TTN: variants seen among roughly 807,000 people sequenced by gnomAD.
TTN encodes the protein titin, also known as connectin.
TTN carries 1,525 observed loss-of-function variants against 3,223.0 expected under a neutral mutation model. That is an observed-to-expected ratio of 0.47 (90% CI 0.45 to 0.49). The LOEUF is 0.49. Among genes scored for constraint, TTN ranks in the 20% least tolerant of loss-of-function variants. The probability of loss-of-function intolerance (pLI) is 0.00; values close to 1 mark genes in which losing one functional copy is unlikely to be tolerated. For missense variants in TTN, 40,786 were observed against 43,424.0 expected (o/e 0.94, Z 5.40); for synonymous variants, 14,094 against 15,161.0 (o/e 0.93, Z 5.17).
intron 270 of TTN, among the ~76,000 whole-genome samples, 191 bp from the exon 271 acceptor site, chr2:178,610,580 T>A (rs1323227787): frequency 6.6e-6 from 1 of 151,912 alleles, no homozygotes; most frequent in Non-Finnish European, 1.5e-5. Context: ...CTACCTCAAG[T>A]CTGTGTGCCA....
rs3731752 is a variant in TTN at position 178,533,782 on chromosome 2, C to A, written c.102833G>T (p.Gly34278Val). 0.029 allele frequency: 47,259 copies of A among 1,613,856 alleles called. 1,443 individuals are homozygous for A. Among genetic ancestry groups the A allele is most frequent in the East Asian group, 0.18 (7,944 of 44,858 alleles). The stretch of plus-strand genomic sequence containing the variant: ...CTCTGGGTGGACAGTTATAGTTACT[C>A]CAAACCGGACATTTTCACCTACATA... ...TAYVGENVRF[G>V]VTITVHPEPH... The change falls in exon 358 of 363, where the codon GGA (glycine) becomes GTA (valine). Residue 34278 changes from glycine to valine, a missense_variant. Physicochemically the swap from Gly to Val is moderately radical, Grantham distance 109. Transcript: ENST00000589042.
rs757500242 is a variant in TTN at position 178,528,643 on chromosome 2, G to C, written c.107108C>G (p.Ala35703Gly). 1.9e-6 allele frequency: 3 copies of C among 1,612,920 alleles called. No individual in the cohort carries two copies. The highest frequency in any genetic ancestry group is 1.7e-5 in the Admixed American group (1 of 59,834). The change falls in exon 360 of 363, where the codon GCC becomes GGC. Residue 35703 changes from alanine (A) to glycine (G), a missense_variant. Ala to Gly is a moderately conservative substitution (Grantham distance 60). Transcript: ENST00000589042. ...TTGAGATCTAGGCTGTGAGATGAAG[G>C]CTGGAGCATCTGAGAGTTCTTTGCT... The part of the protein sequence containing the change: ...TLSKELSDAP[A>G]FISQPRSQNI...
chr2:178,560,674 G>A lies in TTN; in HGVS notation c.85458C>T (p.Tyr28486=), dbSNP rs978230375. 9 of 1,613,482 alleles carry A rather than the reference G, an allele frequency of 5.6e-6. No homozygotes were observed. Among genetic ancestry groups the A allele is most frequent in the Admixed American group, 1.7e-5 (1 of 59,960 alleles). ...GGCTTGTTTCACGTTTTTCTACGATGTAATAGTCGATATCTGCACCACCAT... is the reference window on the plus strand; with the variant it reads ...GGCTTGTTTCACGTTTTTCTACGATATAATAGTCGATATCTGCACCACCAT... ...QEDGGADIDY[Y]IVEKRETSHL... Residue 28486 remains tyrosine (Y), a synonymous_variant, in exon 326 of 363, where the codon TAC becomes TAT. Coordinates refer to ENST00000589042, the MANE Select transcript of TTN (RefSeq NM_001267550.2).
chr2:178,601,277 T>C lies in TTN; in HGVS notation c.55720A>G (p.Arg18574Gly), dbSNP rs2053379995. 4.5e-6 allele frequency: 7 copies of C among 1,553,308 alleles called. No individual in the cohort carries two copies. The East Asian group carries it at 1.6e-4, about 35-fold the overall frequency. ...PVETIQRTTARDPIYPPDPPI... is the reference protein window; with the variant it reads ...PVETIQRTTAGDPIYPPDPPI... ...TTTTAAAGCTTACATATCGGATCTC[T>C]GGCAGTGGTCCTCTGAATGGTTTCC... The change falls in exon 287 of 363, where the codon AGA (arginine) becomes GGA (glycine). Residue 18574 changes from arginine (R) to glycine (G), a missense_variant. By Grantham distance (125) the Arg-to-Gly change is moderately radical. Transcript: ENST00000589042.
chr2:178,605,155 C>T lies in TTN; in HGVS notation c.54022G>A (p.Glu18008Lys), dbSNP rs2054482853. 2 of 1,612,508 alleles carry T rather than the reference C, an allele frequency of 1.2e-6. No homozygotes were observed. ...ATCTGAAGTGCATCAGTGGGTTTTT[C>T]AATTACAGTTTCATTTTTGGACCAT... ...IEWSKNETVI[E>K]KPTDALQITK... The change falls in exon 280 of 363, where the codon GAA becomes AAA. Residue 18008 changes from glutamate to lysine, a missense_variant. Glu to Lys is a moderately conservative substitution (Grantham distance 56). Coordinates refer to ENST00000589042, the MANE Select transcript of TTN (RefSeq NM_001267550.2).
chr2:178,726,004 A>G lies in TTN; in HGVS notation c.20318T>C (p.Leu6773Pro), dbSNP rs1327286420. ...TTCAAGACTGACTTCAGCATTTTTA[A>G]GGGTTTCTACTATAGGAGGGAAGCT... Reference protein sequence around the residue: ...FSSFPPIVETLKNAEVSLECE... With the variant: ...FSSFPPIVETPKNAEVSLECE... Residue 6773 changes from leucine (L) to proline (P), a missense_variant, in exon 70 of 363, where the codon CTT (leucine) becomes CCT (proline). Coordinates refer to ENST00000589042, the MANE Select transcript of TTN (RefSeq NM_001267550.2). The G allele has an allele frequency of 6.3e-7, 1 of 1,594,882 alleles. No individual in the cohort carries two copies. Among genetic ancestry groups the G allele is most frequent in the East Asian group, 2.3e-5 (1 of 44,148 alleles).
In TTN at chr2:178,635,551, T is replaced by C; in HGVS notation, c.41773A>G (p.Arg13925Gly). Residue 13925 changes from arginine to glycine, a missense_variant, in exon 227 of 363, where the codon AGA (arginine) becomes GGA (glycine). Physicochemically the swap from Arg to Gly is moderately radical, Grantham distance 125. Coordinates refer to ENST00000589042, the MANE Select transcript of TTN (RefSeq NM_001267550.2). Reference protein sequence around the residue: ...AEPNDKTEILRDGNHLYLKIK... With the variant: ...AEPNDKTEILGDGNHLYLKIK... Reference sequence around the variant, plus strand: ...TTGAGGTACAGATGATTTCCATCTCTCAGTATTTCAGTCTTATCATTTGGT... The same window carrying C: ...TTGAGGTACAGATGATTTCCATCTCCCAGTATTTCAGTCTTATCATTTGGT... The C allele has an allele frequency of 6.3e-7, 1 of 1,594,722 alleles. No homozygotes were observed. The highest frequency in any genetic ancestry group is 8.6e-7 in the Non-Finnish European group (1 of 1,169,142).
rs761974222 is a variant in TTN, at chr2:178,750,291, G to A, written c.11311+2833C>T. 39 of 1,613,004 alleles carry A rather than the reference G, an allele frequency of 2.4e-5. No individual in the cohort carries two copies. Among genetic ancestry groups the A allele is most frequent in the Admixed American group, 8.4e-5 (5 of 59,846 alleles). On this transcript the variant is annotated intron_variant, in intron 47 of 362. Coordinates refer to ENST00000589042, the MANE Select transcript of TTN (RefSeq NM_001267550.2). ...TTATGTGCTTTGACATCATGTTTTT[G>A]TTTTGCTTTCACTTTAAGCATACTG...
Position 178,574,728 on chromosome 2 carries a change from T to G in TTN, c.71404A>C (p.Lys23802Gln), listed in dbSNP as rs1168152439. 2 of 1,613,092 alleles carry G rather than the reference T, an allele frequency of 1.2e-6. No homozygotes were observed. Among genetic ancestry groups the G allele is most frequent in the Non-Finnish European group, 1.7e-6 (2 of 1,179,506 alleles). The change falls in exon 326 of 363, where the codon AAA (lysine) becomes CAA (glutamine). Residue 23802 changes from lysine (K) to glutamine (Q), a missense_variant. Coordinates refer to ENST00000589042, the MANE Select transcript of TTN (RefSeq NM_001267550.2). ...CCAACTCCATATCTATTCTGAGCTT[T>G]TACACGGAACTGATACTCTAATCCA... ...TTGLEYQFRV[K>Q]AQNRYGVGPG...
chr2:178,638,676 T>A (rs943960710), intron 223 of TTN, among the ~76,000 whole-genome samples: 2 of 151,938 alleles, frequency 1.3e-5, no homozygotes, highest in African/African-American at 4.8e-5. Flanking sequence ...ATTCTTCACA[T>A]CTTAGAAAAT....
At chr2:178,579,901 A>G (rs2047311486) in intron 318 of TTN, 38 bp downstream of exon 318, 2 of 1,612,334 alleles carry the variant, frequency 1.2e-6, no homozygotes, top group South Asian at 1.1e-5. Context: ...AAGGAAGGAT[A>G]TAACTCAAAA....
intron 354 of TTN, 23 bp from the exon 355 acceptor site, chr2:178,537,940 T>A (rs1692355142): frequency 6.4e-7 from 1 of 1,556,968 alleles, no homozygotes. Context: ...AAAGATAATA[T>A]TAAGTGACTG....
At position 178,567,164 on chromosome 2, in the gene TTN, A is replaced by C; in HGVS notation, c.78968T>G (p.Val26323Gly). 6.2e-7 allele frequency: 1 copy of C among 1,613,446 alleles called. No homozygotes were observed. Among genetic ancestry groups the C allele is most frequent in the South Asian group, 1.1e-5 (1 of 91,064 alleles). Reference sequence around the variant, plus strand: ...TCGACTGGTTTCTCGCTTTTCAACAACATAGTGAGAAATGTCACTGCCACC... The same window carrying C: ...TCGACTGGTTTCTCGCTTTTCAACACCATAGTGAGAAATGTCACTGCCACC... Reference protein sequence around the residue: ...QDGGSDISHYVVEKRETSRLA... With the variant: ...QDGGSDISHYGVEKRETSRLA... The change falls in exon 326 of 363, where the codon GTT (valine) becomes GGT (glycine). Residue 26323 changes from valine (V) to glycine (G), a missense_variant. By Grantham distance (109) the Val-to-Gly change is moderately radical. Coordinates refer to ENST00000589042, the MANE Select transcript of TTN (RefSeq NM_001267550.2).
In TTN at chr2:178,565,662, T is replaced by C. The variant is rs1237485492; in HGVS notation, c.80470A>G (p.Thr26824Ala). The change falls in exon 326 of 363, where the codon ACT becomes GCT. Residue 26824 changes from threonine (T) to alanine (A), a missense_variant. Transcript: ENST00000589042. ...TCAGCCACAATGCTCCATTTTTCAG[T>C]TCCTTTGGGCTGCATTTCAACAACG... ...GYVVEMQPKGTEKWSIVAESK... is the reference protein window; with the variant it reads ...GYVVEMQPKGAEKWSIVAESK... 1 of 1,613,642 alleles carries C rather than the reference T, an allele frequency of 6.2e-7. No individual in the cohort carries two copies. The highest frequency in any genetic ancestry group is 1.3e-5 in the African/African-American group (1 of 75,006).
In TTN at chr2:178,536,498, C is replaced by A; in HGVS notation, c.100249G>T (p.Ala33417Ser). 6.4e-7 allele frequency: 1 copy of A among 1,564,052 alleles called. No individual in the cohort carries two copies. The highest frequency in any genetic ancestry group is 1.2e-5 in the South Asian group (1 of 80,604). The change falls in exon 357 of 363, where the codon GCC becomes TCC. Residue 33417 changes from alanine to serine, a missense_variant. Ala to Ser is a moderately conservative substitution (Grantham distance 99). Transcript: ENST00000589042. ...CTAATCTTTGCACCTCCATCACTGG[C>A]AGGTGGCTTCCAGGCCACAACACAA... Reference protein sequence around the residue: ...DSCVVAWKPPASDGGAKIRNY... With the variant: ...DSCVVAWKPPSSDGGAKIRNY...
At chr2:178,580,995 A>G (rs1336001483) in intron 316 of TTN, 4 of 173,950 alleles carry the variant, frequency 2.3e-5, no homozygotes, top group Non-Finnish European at 4.8e-5. Context: ...TTATTATTTC[A>G]TAGTAGGAAG....
At position 178,605,426 on chromosome 2, in the gene TTN, G is replaced by GA; in HGVS notation, c.53868_53869insT (p.Gln17957SerfsTer3). The GA allele has an allele frequency of 6.3e-7, 1 of 1,599,240 alleles. No homozygotes were observed. Among genetic ancestry groups the GA allele is most frequent in the Non-Finnish European group, 8.5e-7 (1 of 1,171,638 alleles). ...TCAGATTCCGCACCTTCATCATCTT[G>GA]TATGACTACATTAAGAGGTAGGGAT... On this transcript the variant is annotated frameshift_variant, in exon 279 of 363. Transcript: ENST00000589042. LOFTEE classifies it high-confidence loss of function.
chr2:178,763,330 G>C (rs1267846911), intron 43 of TTN, among the ~76,000 whole-genome samples: 1 of 152,200 alleles, frequency 6.6e-6, no homozygotes, highest in African/African-American at 2.4e-5. Flanking sequence ...ATTACTGTAT[G>C]ATGAGCACTG....
At position 178,614,082 on chromosome 2, in the gene TTN, C is replaced by T. The variant is rs759710792; in HGVS notation, c.49315G>A (p.Ala16439Thr). The T allele has an allele frequency of 1.2e-6, 2 of 1,612,368 alleles. No individual in the cohort carries two copies. Among genetic ancestry groups the T allele is most frequent in the Admixed American group, 3.3e-5 (2 of 59,860 alleles). ...TGATATTTGGCTGTTATTGGAGAGGCCTGAACTGGTTCACCAACACCATAC... is the reference window on the plus strand; with the variant it reads ...TGATATTTGGCTGTTATTGGAGAGGTCTGAACTGGTTCACCAACACCATAC... ...NMYGVGEPVQASPITAKYQFD... is the reference protein window; with the variant it reads ...NMYGVGEPVQTSPITAKYQFD... The change falls in exon 262 of 363, where the codon GCC becomes ACC. Residue 16439 changes from alanine to threonine, a missense_variant. Coordinates refer to ENST00000589042, the MANE Select transcript of TTN (RefSeq NM_001267550.2).
Sources: allele counts gnomAD v4.1 joint callset (sites outside exome capture counted in the v4.1 genomes callset), GRCh38; gene constraint gnomAD v4.1.1; transcripts MANE v1.5; gene names NCBI Gene and HGNC (gene_info 2026-07-23, HGNC 2026-07-21).